The following CHD6 variants were observed in gnomAD, a reference collection of about 807,000 sequenced individuals.
The protein encoded by CHD6 is chromodomain helicase DNA binding protein 6.
A neutral mutation model predicts 276.9 loss-of-function variants in CHD6; 50 were observed. That is an observed-to-expected ratio of 0.18 (90% confidence interval 0.14 to 0.23). The LOEUF (loss-of-function observed/expected upper bound fraction) is 0.23. CHD6 is among the 10% of genes least tolerant of loss of function. CHD6 has a pLI of 1.00. For synonymous variants in CHD6, 1,173 were observed against 1,229.3 expected (o/e 0.95, Z 0.96); for missense variants, 2,564 against 3,365.8 (o/e 0.76, Z 5.89).
intron 1 of CHD6, among the ~76,000 whole-genome samples, chr20:41,567,305 CGGT>C (rs2045366374): frequency 6.6e-6 from 1 of 152,122 alleles, no homozygotes; most frequent in East Asian, 1.9e-4. Flanking sequence ...TACAGCTCTT[CGGT>C]CACTGTGTCT....
chr20:41,585,852 T>C (rs2045588994), intron 1 of CHD6, among the ~76,000 whole-genome samples: 1 of 151,914 alleles, frequency 6.6e-6, no homozygotes, highest in Non-Finnish European at 1.5e-5. Context: ...CTGCAATATA[T>C]AAAAAAGATA....
At chr20:41,581,350 C>T (rs1343263755) in intron 1 of CHD6, among the ~76,000 whole-genome samples, 1 of 152,142 alleles carries the variant, frequency 6.6e-6, no homozygotes, top group Non-Finnish European at 1.5e-5. Context: ...ACATTCTTAG[C>T]TGCACATGAT....
chr20:41,441,573 G>C (rs1437959469), intron 25 of CHD6, among the ~76,000 whole-genome samples: 1 of 152,192 alleles, frequency 6.6e-6, no homozygotes, highest in East Asian at 1.9e-4. Context: ...TTCACACTCT[G>C]TGCTCAGGCA....
chr20:41,403,495 G>A lies in CHD6; in HGVS notation c.*1098C>T. On this transcript the variant is annotated 3_prime_UTR_variant, in exon 37 of 37. Transcript: ENST00000373233. ...GATAATTTGGAATTTGGGTCCAACT[G>A]TAAGATATAAACAGAATGGAGAAAT... 2 of 1,062,370 alleles carry A rather than the reference G, an allele frequency of 1.9e-6. No individual in the cohort carries two copies. The highest frequency in any genetic ancestry group is 2.3e-6 in the Non-Finnish European group (2 of 877,498). 65.8% of individuals were successfully genotyped at this position (1,062,370 alleles called of 1,614,324 possible).
chr20:41,564,555 A>C (rs937069970), intron 1 of CHD6, among the ~76,000 whole-genome samples: 7 of 152,212 alleles, frequency 4.6e-5, no homozygotes, highest in Non-Finnish European at 1.0e-4. Context: ...TTTAGGGGAT[A>C]ATGAAACTGT....
chr20:41,593,917 A>G (rs1298003210), intron 1 of CHD6, among the ~76,000 whole-genome samples: 3 of 152,044 alleles, frequency 2.0e-5, no homozygotes, highest in Non-Finnish European at 4.4e-5. Context: ...CGTAATTTCT[A>G]TTCTTTAAGC....
intron 3 of CHD6, among the ~76,000 whole-genome samples, chr20:41,530,627 C>T (rs1014703516): frequency 4.6e-5 from 7 of 152,052 alleles, no homozygotes; most frequent in African/African-American, 1.7e-4. Context: ...TTGCTTCTGC[C>T]TACCAGTAGG....
intron 14 of CHD6, among the ~76,000 whole-genome samples, chr20:41,486,517 G>C (rs2043418588): frequency 6.6e-6 from 1 of 152,180 alleles, no homozygotes; most frequent in Admixed American, 6.5e-5. Flanking sequence ...ACTTGCATCA[G>C]AAGTAGGAAG....
chr20:41,520,384 G>A (rs1206291394), intron 3 of CHD6, among the ~76,000 whole-genome samples: 2 of 151,966 alleles, frequency 1.3e-5, no homozygotes, highest in Non-Finnish European at 2.9e-5. Flanking sequence ...ATGTTACTGC[G>A]GCACTATTCA....
chr20:41,552,976 AT>A (rs2045168536), intron 1 of CHD6, among the ~76,000 whole-genome samples: 1 of 152,246 alleles, frequency 6.6e-6, no homozygotes, highest in Non-Finnish European at 1.5e-5. Context: ...TACCTGAAGA[AT>A]CCATAAATTC....
intron 1 of CHD6, among the ~76,000 whole-genome samples, chr20:41,553,523 ACCTATTT>A (rs1263883957): frequency 6.6e-6 from 1 of 152,168 alleles, no homozygotes; most frequent in Non-Finnish European, 1.5e-5. Flanking sequence ...CCCCACACTT[ACCTATTT>A]AGGAAAGTTT....
intron 3 of CHD6, among the ~76,000 whole-genome samples, chr20:41,515,478 A>C (rs2044227915): frequency 6.6e-6 from 1 of 152,188 alleles, no homozygotes; most frequent in African/African-American, 2.4e-5. Context: ...AAGGCAGTAC[A>C]TGAATGCTTC....
At chr20:41,531,305 T>C (rs750949933) in intron 3 of CHD6, among the ~76,000 whole-genome samples, 3 of 152,152 alleles carry the variant, frequency 2.0e-5, no homozygotes, top group Non-Finnish European at 2.9e-5. Context: ...CACCCTAAAT[T>C]CTCAAACACA....
At position 41,452,702 on chromosome 20, in the gene CHD6, C is replaced by G. The variant is rs780874697; in HGVS notation, c.3323+38G>C. ...GGACTGAAAAACAGAGGGGAACAAA[C>G]AACAATAACAACAAAACTAAGCAGA... On this transcript the variant is annotated intron_variant, in intron 21 of 36. Coordinates refer to ENST00000373233, the MANE Select transcript of CHD6 (RefSeq NM_032221.5). The surrounding 1 kb of genome is among the most constrained non-coding windows in gnomAD (Gnocchi z 4.2). 5.1e-6 allele frequency: 8 copies of G among 1,574,322 alleles called. No homozygotes were observed. The South Asian group carries it at 5.6e-5, about 11-fold the overall frequency.
intron 1 of CHD6, among the ~76,000 whole-genome samples, chr20:41,598,107 C>T (rs572088555): frequency 6.6e-5 from 10 of 152,284 alleles, no homozygotes; most frequent in Admixed American, 2.0e-4. Flanking sequence ...GAAGCCCCCC[C>T]ACCAATTGCC....
rs2046953863 is a variant in CHD6, at chr20:41,415,118, G to GTGGGATAA, written c.6939+67_6939+68insTTATCCCA. 6.0e-6 allele frequency: 9 copies of GTGGGATAA among 1,508,312 alleles called. No individual in the cohort carries two copies. In the African/African-American group the frequency reaches 1.1e-4, roughly 19 times the overall value. 93.4% of individuals were successfully genotyped at this position (1,508,312 alleles called of 1,614,324 possible). A position where few individuals can be genotyped will look rare whatever the true frequency, so the allele number is the denominator to read the frequency against. On this transcript the variant is annotated intron_variant, in intron 34 of 36. Coordinates refer to ENST00000373233, the MANE Select transcript of CHD6 (RefSeq NM_032221.5). Reference sequence around the variant, plus strand: ...AAGATCCACAAATTATTTTGCGTCTGAGGAAGAAGGGTTTGTTTCTCAGTG... The same window carrying GTGGGATAA: ...AAGATCCACAAATTATTTTGCGTCTGTGGGATAAAGGAAGAAGGGTTTGTTTCTCAGTG...
At chr20:41,547,937 G>C (rs1374534846) in intron 2 of CHD6, 2 of 269,188 alleles carry the variant, frequency 7.4e-6, no homozygotes, top group Admixed American at 9.1e-5. Context: ...AAGCACAAAG[G>C]AAAAATTTCC....
At chr20:41,465,918 T>C (rs886830203) in intron 17 of CHD6, among the ~76,000 whole-genome samples, 7 of 152,158 alleles carry the variant, frequency 4.6e-5, no homozygotes, top group Admixed American at 3.9e-4. Context: ...AAAACAAAGT[T>C]TGTAGGCCGG....
chr20:41,484,273 A>G, intron 15 of CHD6, 79 bp downstream of exon 15: 1 of 1,509,650 alleles, frequency 6.6e-7, no homozygotes, highest in Non-Finnish European at 9.1e-7. Context: ...AAAATTCAAT[A>G]CATGAGTTAT....
Sources: allele counts gnomAD v4.1 joint callset (sites outside exome capture counted in the v4.1 genomes callset), GRCh38; gene constraint gnomAD v4.1.1; non-coding constraint Gnocchi (gnomAD v3.1); transcripts MANE v1.5; gene names NCBI Gene and HGNC (gene_info 2026-07-23, HGNC 2026-07-21).